TUSC3: variants seen among roughly 807,000 people sequenced by gnomAD.
TUSC3 encodes the protein dolichyl-diphosphooligosaccharide--protein glycosyltransferase subunit TUSC3.
Under a neutral mutation model 44.8 loss-of-function variants are expected in TUSC3, and 45 were observed. The observed-to-expected ratio is 1.00, with a 90% CI of 0.79 to 1.29. The LOEUF is 1.29. TUSC3 is among the 50% of genes most tolerant of loss of function. The pLI is 0.00. For missense variants in TUSC3, 519 were observed against 437.9 expected (o/e 1.19, Z -1.65); for synonymous variants, 212 against 152.9 (o/e 1.39, Z -2.85).
chr8:15,799,259 G>T, the TUSC3 span, among the ~76,000 whole-genome samples: 1 of 152,150 alleles, frequency 6.6e-6, no homozygotes, highest in African/African-American at 2.4e-5. Context: ...CATGTCTCAA[G>T]GGAACCAGCC....
intron 1 of TUSC3, among the ~76,000 whole-genome samples, chr8:15,563,685 C>CAAAAAA (rs150368776): frequency 8.9e-4 from 71 of 79,908 alleles, no homozygotes; most frequent in African/African-American, 2.1e-3. Flanking sequence ...GCCTCCATCT[C>CAAAAAA]AAAAAAAAAA....
intron 1 of TUSC3, among the ~76,000 whole-genome samples, chr8:15,460,870 C>G (rs547570112): frequency 1.3e-5 from 2 of 152,118 alleles, no homozygotes; most frequent in Non-Finnish European, 2.9e-5. Flanking sequence ...GTTCTCTATT[C>G]TGTTCCATTG....
chr8:15,708,532 A>G (rs1001972459), intron 6 of TUSC3, among the ~76,000 whole-genome samples: 5 of 151,994 alleles, frequency 3.3e-5, no homozygotes, highest in African/African-American at 1.2e-4. Context: ...ATTAAACTTC[A>G]TCTGTGGTTC....
chr8:15,828,499 T>C, the TUSC3 span, among the ~76,000 whole-genome samples: 16,104 of 152,300 alleles, frequency 0.11, 963 homozygotes, highest in East Asian at 0.25. Context: ...TCTCTAGTAG[T>C]TGAAGTGTGC....
chr8:15,640,567 A>T (rs1806319184), intron 2 of TUSC3, among the ~76,000 whole-genome samples: 1 of 152,208 alleles, frequency 6.6e-6, no homozygotes, highest in Non-Finnish European at 1.5e-5. Context: ...TTAGTTTTTC[A>T]GATCTGTAGA....
At chr8:15,649,169 G>C (rs1806771996) in intron 2 of TUSC3, among the ~76,000 whole-genome samples, 1 of 152,046 alleles carries the variant, frequency 6.6e-6, no homozygotes, top group Non-Finnish European at 1.5e-5. Context: ...TTTGTTTTGG[G>C]AAGTTTTTAA....
chr8:15,422,783 C>T (rs1799753995), intron 1 of TUSC3, among the ~76,000 whole-genome samples: 1 of 152,008 alleles, frequency 6.6e-6, no homozygotes, highest in South Asian at 2.1e-4. Context: ...ATTAAGACTA[C>T]AGGCACCCAC....
chr8:15,674,011 C>T (rs534079275), intron 6 of TUSC3, among the ~76,000 whole-genome samples, 175 bp downstream of exon 6: 2 of 149,832 alleles, frequency 1.3e-5, no homozygotes, highest in Non-Finnish European at 3.0e-5. Flanking sequence ...CACACACACA[C>T]AATATTACTT....
intron 1 of TUSC3, among the ~76,000 whole-genome samples, chr8:15,450,258 CT>C (rs1180573260): frequency 3.3e-5 from 5 of 152,084 alleles, no homozygotes; most frequent in African/African-American, 1.2e-4. Context: ...TCAGGTTTTA[CT>C]TGTATAACAA....
chr8:15,781,032 G>A, the TUSC3 span, among the ~76,000 whole-genome samples: 1 of 152,124 alleles, frequency 6.6e-6, no homozygotes, highest in African/African-American at 2.4e-5. Flanking sequence ...CTTGTATCAG[G>A]TAGTTAAAGG....
chr8:15,581,033 C>T lies in TUSC3; in HGVS notation c.138+40465C>T, dbSNP rs1359857991. Among the ~76,000 whole-genome samples the T allele has an allele frequency of 6.6e-4, 74 of 112,436 alleles. No homozygotes were observed. The East Asian group carries it at 0.016, about 25-fold the overall frequency. 73.8% of individuals were successfully genotyped at this position (112,436 alleles called of 152,430 possible). On this transcript the variant is annotated intron_variant, in intron 1 of 10. Transcript: ENST00000503731. Reference sequence around the variant, plus strand: ...TGCTCATTTCTTTTTATTCTTTTTTCTCTAAACTTCCCTTCTCGCTTCATT... The same window carrying T: ...TGCTCATTTCTTTTTATTCTTTTTTTTCTAAACTTCCCTTCTCGCTTCATT...
chr8:15,426,366 A>G (rs1799804005), intron 1 of TUSC3, among the ~76,000 whole-genome samples: 1 of 152,268 alleles, frequency 6.6e-6, no homozygotes, highest in Non-Finnish European at 1.5e-5. Flanking sequence ...TTCATCTAGC[A>G]TAAGTGAAAC....
chr8:15,519,872 G>A (rs1186805579), intron 2 of TUSC3, among the ~76,000 whole-genome samples: 1 of 152,158 alleles, frequency 6.6e-6, no homozygotes, highest in Admixed American at 6.5e-5. Flanking sequence ...TTAATGATGT[G>A]TTCATATGGA....
the TUSC3 span, among the ~76,000 whole-genome samples, chr8:15,834,286 G>A: frequency 6.6e-6 from 1 of 151,612 alleles, no homozygotes; most frequent in African/African-American, 2.4e-5. Flanking sequence ...TTATTCCTAG[G>A]TTTTCCAAAC....
At position 15,585,434 on chromosome 8, in the gene TUSC3, C is replaced by T. The variant is rs370027669; in HGVS notation, c.139-37646C>T. ...GTGGACACAAAGGGTGAGGTTGGAG[C>T]GAAAGTTTAATAAGCGAAAGATAAA... On this transcript the variant is annotated intron_variant, in intron 1 of 10. Coordinates refer to ENST00000503731, the MANE Select transcript of TUSC3 (RefSeq NM_006765.4). Among the ~76,000 whole-genome samples the T allele has an allele frequency of 6.6e-5, 10 of 152,090 alleles. No individual in the cohort carries two copies. In the East Asian group the frequency reaches 7.7e-4, roughly 12 times the overall value.
At chr8:15,835,420 TC>T in the TUSC3 span, among the ~76,000 whole-genome samples, 4 of 152,176 alleles carry the variant, frequency 2.6e-5, no homozygotes, top group Admixed American at 2.6e-4. Flanking sequence ...TCACACTTTT[TC>T]TCTTTTCTAT....
the TUSC3 span, among the ~76,000 whole-genome samples, chr8:15,773,470 A>G: frequency 2.2e-3 from 333 of 152,318 alleles, 3 homozygotes; most frequent in Non-Finnish European, 1.6e-3. Context: ...AAATAGAAAT[A>G]CATCAAGTTC....
intron 2 of TUSC3, among the ~76,000 whole-genome samples, chr8:15,517,637 A>C (rs1801237601): frequency 6.6e-6 from 1 of 151,040 alleles, no homozygotes; most frequent in African/African-American, 2.4e-5. Flanking sequence ...TTACGAATGT[A>C]TACCTCAAAA....
chr8:15,695,568 G>A (rs759126457), intron 6 of TUSC3, among the ~76,000 whole-genome samples: 5 of 152,188 alleles, frequency 3.3e-5, no homozygotes, highest in Non-Finnish European at 7.3e-5. Context: ...ACCCAAAAAT[G>A]TGGAAGTGAC....
Sources: allele counts gnomAD v4.1 joint callset (sites outside exome capture counted in the v4.1 genomes callset), GRCh38; gene constraint gnomAD v4.1.1; transcripts MANE v1.5; gene names NCBI Gene and HGNC (gene_info 2026-07-23, HGNC 2026-07-21).